Variants in RYR1 observed in about 807,000 individuals in gnomAD.
RYR1 encodes ryanodine receptor 1.
RYR1 carries 342 observed loss-of-function variants against 583.5 expected under a neutral mutation model. The ratio of observed to expected loss-of-function variants is 0.59; its 90% CI spans 0.54 to 0.64. RYR1 has a LOEUF of 0.64. RYR1 is among the 30% of genes least tolerant of loss of function. The pLI, the probability that RYR1 is intolerant of heterozygous loss-of-function variation, is 0.00. For synonymous variants in RYR1, 2,791 were observed against 2,822.5 expected (o/e 0.99, Z 0.35); for missense variants, 6,032 against 6,917.2 (o/e 0.87, Z 4.54).
chr19:38,586,299 T>A, intron 104 of RYR1, 108 bp downstream of exon 104: 8 of 1,176,378 alleles, frequency 6.8e-6, no homozygotes, highest in Non-Finnish European at 9.9e-6. Context: ...AGTGTCCATG[T>A]GGGCAGATTC....
chr19:38,555,973 C>G (rs1383156101), intron 89 of RYR1, among the ~76,000 whole-genome samples: 1 of 152,082 alleles, frequency 6.6e-6, no homozygotes, highest in Admixed American at 6.6e-5. Context: ...AAGTGATTCT[C>G]CTGCCTCAGC....
intron 96 of RYR1, 87 bp downstream of exon 96, chr19:38,573,394 G>A: frequency 2.6e-6 from 4 of 1,524,300 alleles, no homozygotes; most frequent in Non-Finnish European, 3.5e-6. Flanking sequence ...AAAAACTAGG[G>A]TTTCGGTCCG....
Position 38,565,381 on chromosome 19 carries a change from G to A in RYR1, c.13047G>A (p.Gly4349=). The A allele has an allele frequency of 7.4e-7, 1 of 1,348,578 alleles. No individual in the cohort carries two copies. Among genetic ancestry groups the A allele is most frequent in the Non-Finnish European group, 9.4e-7 (1 of 1,059,288 alleles). 83.5% of individuals were successfully genotyped at this position (1,348,578 alleles called of 1,614,324 possible). A position where few individuals can be genotyped will look rare whatever the true frequency, so the allele number is the denominator to read the frequency against. Residue 4349 remains glycine, a synonymous_variant, in exon 91 of 106, where the codon GGG becomes GGA. Transcript: ENST00000359596. The surrounding 1 kb of genome is among the most constrained non-coding windows in gnomAD (Gnocchi z 4.7). ...AVTRAGAAGA[G]AAAGALGLLW... is the part of the protein sequence containing the mutation. Reference sequence around the variant, plus strand: ...CGCGCGCTGGGGCCGCTGGCGCGGGGGCGGCGGCGGGCGCGCTGGGCCTGC... The same window carrying A: ...CGCGCGCTGGGGCCGCTGGCGCGGGAGCGGCGGCGGGCGCGCTGGGCCTGC...
chr19:38,532,345 A>AT, intron 76 of RYR1, 145 bp from the exon 77 acceptor site: 1 of 795,180 alleles, frequency 1.3e-6, no homozygotes, highest in Non-Finnish European at 2.1e-6. Flanking sequence ...TTGGTTTCAG[A>AT]CTCCTGATCT....
At chr19:38,450,845 C>G (rs1221507805) in intron 11 of RYR1, among the ~76,000 whole-genome samples, 1 of 152,174 alleles carries the variant, frequency 6.6e-6, no homozygotes, top group Non-Finnish European at 1.5e-5. Flanking sequence ...CCCAGGTATA[C>G]CTTTTCTATC....
At chr19:38,550,047 C>T (rs1289035738) in intron 89 of RYR1, among the ~76,000 whole-genome samples, 1 of 151,906 alleles carries the variant, frequency 6.6e-6, no homozygotes, top group Non-Finnish European at 1.5e-5. Context: ...TGAACCACCT[C>T]GCCTAGCCAA....
intron 70 of RYR1, 48 bp from the exon 71 acceptor site, chr19:38,525,284 G>A (rs1971416596): frequency 6.2e-7 from 1 of 1,612,514 alleles, no homozygotes; most frequent in Non-Finnish European, 8.5e-7. Flanking sequence ...TTGGGGCTGA[G>A]GCATGGGATT....
intron 89 of RYR1, among the ~76,000 whole-genome samples, chr19:38,553,228 A>G (rs898322817): frequency 6.6e-6 from 1 of 151,458 alleles, no homozygotes; most frequent in Non-Finnish European, 1.5e-5. Context: ...CCGGCTACTC[A>G]GGAGGCTAAG....
At chr19:38,569,228 C>T (rs187382232) in intron 93 of RYR1, among the ~76,000 whole-genome samples, 317 of 152,186 alleles carry the variant, frequency 2.1e-3, no homozygotes, top group African/African-American at 4.0e-3. Context: ...GCCAGAATGG[C>T]CTAGATCTGA....
At chr19:38,485,116 A>C (rs1281752430) in intron 33 of RYR1, among the ~76,000 whole-genome samples, 1 of 152,124 alleles carries the variant, frequency 6.6e-6, no homozygotes, top group Non-Finnish European at 1.5e-5. Flanking sequence ...ACTCAAACAC[A>C]ACTAGTATAC....
In RYR1 at chr19:38,543,561, C is replaced by T. The variant is rs752743492; in HGVS notation, c.11808C>T (p.Tyr3936=). 7.4e-6 allele frequency: 12 copies of T among 1,613,844 alleles called. No homozygotes were observed. Among genetic ancestry groups the T allele is most frequent in the Non-Finnish European group, 9.3e-6 (11 of 1,179,852 alleles). ...CCATCAGCGACTTCTACTGGTACTA[C>T]TCGGGCAAGGATGTCATTGAAGAGC... ...QESISDFYWY[Y]SGKDVIEEQG... is the part of the protein sequence containing the mutation. Residue 3936 remains tyrosine (Y), a synonymous_variant, in exon 86 of 106, where the codon TAC becomes TAT. Transcript: ENST00000359596. The surrounding 1 kb of genome is among the most constrained non-coding windows in gnomAD (Gnocchi z 4.4).
chr19:38,514,892 C>G (rs1970886905), intron 63 of RYR1, 134 bp from the exon 64 acceptor site: 1 of 700,980 alleles, frequency 1.4e-6, no homozygotes, highest in Admixed American at 2.0e-5. Flanking sequence ...AGTCACAAGA[C>G]TCGTACATGG....
chr19:38,584,202 C>T (rs1330573327), intron 101 of RYR1, among the ~76,000 whole-genome samples: 11 of 151,796 alleles, frequency 7.2e-5, no homozygotes, highest in Non-Finnish European at 8.8e-5. Flanking sequence ...TGCCTCCCCA[C>T]CCCAGCCTCG....
intron 76 of RYR1, 44 bp downstream of exon 76, chr19:38,529,101 G>A (rs552902165): frequency 1.5e-5 from 24 of 1,599,530 alleles, no homozygotes; most frequent in Non-Finnish European, 2.1e-5. Context: ...CCAAGGTCCT[G>A]GGGCCACCCC....
chr19:38,455,780 C>A, intron 16 of RYR1, 29 bp downstream of exon 16: 1 of 1,372,274 alleles, frequency 7.3e-7, no homozygotes, highest in African/African-American at 1.4e-5. Context: ...ACCTCTCATC[C>A]CCTGAACTCT....
rs1973351069 is a variant in RYR1 at position 38,565,293 on chromosome 19, T to G, written c.12959T>G (p.Leu4320Arg). The G allele has an allele frequency of 9.7e-7, 1 of 1,035,376 alleles. No individual in the cohort carries two copies. Among genetic ancestry groups the G allele is most frequent in the Admixed American group, 5.7e-5 (1 of 17,594 alleles). 64.1% of individuals were successfully genotyped at this position (1,035,376 alleles called of 1,614,324 possible). Residue 4320 changes from leucine (L) to arginine (R), a missense_variant, in exon 91 of 106, where the codon CTG becomes CGG. By Grantham distance (102) the Leu-to-Arg change is moderately radical. Coordinates refer to ENST00000359596, the MANE Select transcript of RYR1 (RefSeq NM_000540.3). This position sits in a 1 kb window ranked among gnomAD's most constrained non-coding sequence, Gnocchi z 4.7. ...YRSLRRRVRR[L>R]RRLTAREAAT... ...AGCCTGCGGCGGCGCGTGCGGCGGC[T>G]GCGGCGGCTTACGGCCCGCGAGGCG...
At chr19:38,459,677 A>G (rs1043618882) in intron 19 of RYR1, among the ~76,000 whole-genome samples, 1 of 143,054 alleles carries the variant, frequency 7.0e-6, no homozygotes, top group Non-Finnish European at 1.5e-5. Context: ...TGATGATCTC[A>G]TGACTCCAGA....
At chr19:38,455,094 A>G (rs974197246) in intron 13 of RYR1, 141 bp from the exon 14 acceptor site, 8 of 988,560 alleles carry the variant, frequency 8.1e-6, no homozygotes, top group African/African-American at 4.8e-5. Flanking sequence ...GATTGGGAAT[A>G]TGAAACCAAA....
At chr19:38,562,554 T>C (rs1891758512) in intron 90 of RYR1, among the ~76,000 whole-genome samples, 1 of 152,126 alleles carries the variant, frequency 6.6e-6, no homozygotes, top group South Asian at 2.1e-4. Flanking sequence ...GCCCTTCATA[T>C]GTCTCCTCAG....
Sources: allele counts gnomAD v4.1 joint callset (sites outside exome capture counted in the v4.1 genomes callset), GRCh38; gene constraint gnomAD v4.1.1; non-coding constraint Gnocchi (gnomAD v3.1); transcripts MANE v1.5; gene names NCBI Gene and HGNC (gene_info 2026-07-23, HGNC 2026-07-21).